Variants in RSPH6A observed in about 807,000 individuals in gnomAD.
RSPH6A encodes radial spoke head 6 homolog A.
In RSPH6A, 49 loss-of-function variants were observed where a neutral mutation model predicts 66.1. The observed-to-expected ratio is 0.74, with a 90% CI of 0.59 to 0.94. The LOEUF (loss-of-function observed/expected upper bound fraction) is 0.94. Ranked by LOEUF, RSPH6A falls within the 40% of genes least tolerant of loss-of-function variation. The pLI is 0.00. For synonymous variants in RSPH6A, 419 were observed against 402.4 expected, an observed-to-expected ratio of 1.04 and a Z score of -0.49; for missense variants, 977 against 948.3, an observed-to-expected ratio of 1.03 and a Z score of -0.40.
rs757898392 is a variant in RSPH6A, at chr19:45,804,562, T to C, written c.1343A>G (p.Gln448Arg). The C allele has an allele frequency of 6.2e-7, 1 of 1,614,080 alleles. No individual in the cohort carries two copies. The highest frequency in any genetic ancestry group is 8.5e-7 in the Non-Finnish European group (1 of 1,180,044). ...WTRLPHVTPA[Q>R]IVNARKIKKF... ...CTTGATCTTTCGGGCGTTCACGATC[T>C]GGGCTGGAGTGACGTGGGGCAGCCG... The change falls in exon 3 of 6, where the codon CAG becomes CGG. Residue 448 changes from glutamine (Q) to arginine (R), a missense_variant. Transcript: ENST00000221538. This position sits in a 1 kb window ranked among gnomAD's most constrained non-coding sequence, Gnocchi z 5.8.
rs1481454801 is a variant in RSPH6A at position 45,812,239 on chromosome 19, C to T, written c.651-1399G>A. Among the ~76,000 whole-genome samples the T allele has an allele frequency of 4.0e-5, 6 of 151,644 alleles. No individual in the cohort carries two copies. In the Admixed American group the frequency reaches 4.0e-4, roughly 10 times the overall value. ...CCCCAGAGCTGGGATTACACGTGTGCCAACATGCCTGGCTAATTTTTGTAC... is the reference window on the plus strand; with the variant it reads ...CCCCAGAGCTGGGATTACACGTGTGTCAACATGCCTGGCTAATTTTTGTAC... On this transcript the variant is annotated intron_variant, in intron 1 of 5. Coordinates refer to ENST00000221538, the MANE Select transcript of RSPH6A (RefSeq NM_030785.4).
intron 1 of RSPH6A, among the ~76,000 whole-genome samples, chr19:45,811,126 TG>T (rs1232064891): frequency 5.3e-5 from 8 of 152,162 alleles, no homozygotes; most frequent in African/African-American, 1.9e-4. Flanking sequence ...CCCGAGTAGC[TG>T]GGATTATAGG....
At position 45,802,149 on chromosome 19, in the gene RSPH6A, G is replaced by A. The variant is rs201992328; in HGVS notation, c.1769C>T (p.Pro590Leu). ...PEEVEQEVGP[P>L]LLTPLSEDAE... ...ATCTTCTGAAAGTGGCGTTAGCAGT[G>A]GGGGGCCAACCTCCTGCTCCACCTC... Residue 590 changes from proline to leucine, a missense_variant, in exon 4 of 6, where the codon CCA (proline) becomes CTA (leucine). Pro to Leu is a moderately conservative substitution (Grantham distance 98, BLOSUM62 -3). Transcript: ENST00000221538. 8 of 1,551,734 alleles carry A rather than the reference G, an allele frequency of 5.2e-6. No individual in the cohort carries two copies. In the African/African-American group the frequency reaches 6.9e-5, roughly 13 times the overall value.
chr19:45,810,776 C>G lies in RSPH6A; in HGVS notation c.715G>C (p.Val239Leu). 6.2e-7 allele frequency: 1 copy of G among 1,613,084 alleles called. No individual in the cohort carries two copies. Among genetic ancestry groups the G allele is most frequent in the South Asian group, 1.1e-5 (1 of 91,058 alleles). Residue 239 changes from valine (V) to leucine (L), a missense_variant, in exon 2 of 6, where the codon GTC becomes CTC. Coordinates refer to ENST00000221538, the MANE Select transcript of RSPH6A (RefSeq NM_030785.4). ...GTGGTGCGGTTCAGAGACTCCAGGA[C>G]AGACAAGGGGTCCTCAGGCCGCTGG... The part of the protein sequence containing the change: ...LNQRPEDPLS[V>L]LESLNRTTQW...
Position 45,804,643 on chromosome 19 carries a change from G to A in RSPH6A, c.1262C>T (p.Ser421Leu). The change falls in exon 3 of 6, where the codon TCA (serine) becomes TTA (leucine). Residue 421 changes from serine (S) to leucine (L), a missense_variant. Physicochemically the swap from Ser to Leu is moderately radical, Grantham distance 145. Coordinates refer to ENST00000221538, the MANE Select transcript of RSPH6A (RefSeq NM_030785.4). This position sits in a 1 kb window ranked among gnomAD's most constrained non-coding sequence, Gnocchi z 5.8. ...PPVIPKEESRSGANKYLYFVC... is the reference protein window; with the variant it reads ...PPVIPKEESRLGANKYLYFVC... ...AAAGTACAGGTACTTGTTGGCGCCT[G>A]AGCGGCTCTCCTCCTTGGGGATCAC... is the stretch of plus-strand genomic sequence containing the variant. 1.2e-6 allele frequency: 2 copies of A among 1,614,142 alleles called. No homozygotes were observed. Among genetic ancestry groups the A allele is most frequent in the Non-Finnish European group, 1.7e-6 (2 of 1,180,038 alleles).
rs116561406 is a variant in RSPH6A, at chr19:45,810,920, G to T, written c.651-80C>A. The T allele has an allele frequency of 1.4e-3, 1,708 of 1,187,846 alleles. 8 individuals carry two copies. The highest frequency in any genetic ancestry group is 0.011 in the African/African-American group (707 of 66,216). The allele number at this position is 1,187,846 out of a possible 1,614,324, so 73.6% of individuals were successfully genotyped here. On this transcript the variant is annotated intron_variant, in intron 1 of 5. Coordinates refer to ENST00000221538, the MANE Select transcript of RSPH6A (RefSeq NM_030785.4). ...AGCTGGCTCCCATGTGCCTGGCCCT[G>T]TGCCTGGTGCTGGGGACACAGTAGG...
At chr19:45,801,615 T>C (rs1251560012) in intron 4 of RSPH6A, among the ~76,000 whole-genome samples, 5 of 152,036 alleles carry the variant, frequency 3.3e-5, no homozygotes, top group African/African-American at 1.2e-4. Context: ...ACAAAAGTTA[T>C]CTGGGCGTGG....
chr19:45,807,310 G>GCAA (rs1295647702), intron 2 of RSPH6A, among the ~76,000 whole-genome samples: 2 of 151,480 alleles, frequency 1.3e-5, no homozygotes, highest in African/African-American at 4.9e-5. Flanking sequence ...CCGCCTCCCG[G>GCAA]GTTCACGCCA....
chr19:45,813,364 G>A (rs1970652924), intron 1 of RSPH6A, among the ~76,000 whole-genome samples: 2 of 151,970 alleles, frequency 1.3e-5, no homozygotes, highest in South Asian at 4.2e-4. Context: ...ATTTTTTTGA[G>A]ATGGAGTCTC....
chr19:45,806,684 A>G (rs1970548378), intron 2 of RSPH6A, among the ~76,000 whole-genome samples: 1 of 143,332 alleles, frequency 7.0e-6, no homozygotes, highest in African/African-American at 2.6e-5. Flanking sequence ...AAAAAAAAAA[A>G]AAAAAAAAAA....
At position 45,814,451 on chromosome 19, in the gene RSPH6A, G is replaced by C. The variant is rs74450753; in HGVS notation, c.650+76C>G. 0.088 allele frequency: 119,241 copies of C among 1,353,580 alleles called. 5,876 individuals carry two copies. Among genetic ancestry groups the C allele is most frequent in the East Asian group, 0.099 (3,991 of 40,462 alleles). The allele number at this position is 1,353,580 out of a possible 1,614,324, so 83.8% of individuals were successfully genotyped here. On this transcript the variant is annotated intron_variant, in intron 1 of 5. Transcript: ENST00000221538. ...ATGAGGGATGATCCCTTGTCTGACTGACTGAGGCAGGCACTTCGGGTGGGG... is the reference window on the plus strand; with the variant it reads ...ATGAGGGATGATCCCTTGTCTGACTCACTGAGGCAGGCACTTCGGGTGGGG...
chr19:45,806,540 G>A (rs1047257418), intron 2 of RSPH6A, among the ~76,000 whole-genome samples: 24 of 151,466 alleles, frequency 1.6e-4, no homozygotes, highest in Non-Finnish European at 3.1e-4. Flanking sequence ...GTGTGGTGGT[G>A]GGCGCCTGTA....
intron 3 of RSPH6A, among the ~76,000 whole-genome samples, chr19:45,803,110 G>T (rs1167668295): frequency 6.6e-6 from 1 of 151,314 alleles, no homozygotes; most frequent in African/African-American, 2.4e-5. Flanking sequence ...TCAGGAGGCT[G>T]AGGCAGGAGA....
At chr19:45,800,651 T>A in intron 4 of RSPH6A, 88 bp from the exon 5 acceptor site, 1 of 1,164,198 alleles carries the variant, frequency 8.6e-7, no homozygotes, top group Non-Finnish European at 1.2e-6. Context: ...AAGGCAGCAG[T>A]GAGGGAGGCC....
In RSPH6A at chr19:45,804,234, G is replaced by A. The variant is rs1158409682; in HGVS notation, c.1653+18C>T. 6.3e-6 allele frequency: 10 copies of A among 1,583,118 alleles called. No homozygotes were observed. The highest frequency in any genetic ancestry group is 3.4e-5 in the Admixed American group (2 of 58,792). ...CCTGCTCCTGCCGTTTGTGAGAGGC[G>A]GGAGTCCCGGCGCTCACCTGCGGCA... On this transcript the variant is annotated intron_variant, in intron 3 of 5. Coordinates refer to ENST00000221538, the MANE Select transcript of RSPH6A (RefSeq NM_030785.4). This position sits in a 1 kb window ranked among gnomAD's most constrained non-coding sequence, Gnocchi z 5.8.
chr19:45,807,748 T>TCA (rs1484633080), intron 2 of RSPH6A, among the ~76,000 whole-genome samples: 50 of 152,218 alleles, frequency 3.3e-4, no homozygotes, highest in Middle Eastern at 6.8e-3. Context: ...TGACCTCAGG[T>TCA]GATCTGCCCG....
In RSPH6A at chr19:45,796,128, G is replaced by T; in HGVS notation, c.1917-22C>A. On this transcript the variant is annotated intron_variant, in intron 5 of 5. Coordinates refer to ENST00000221538, the MANE Select transcript of RSPH6A (RefSeq NM_030785.4). ...CTTTCTGGAGAAGCAGTGAGACACTGTGAAATTCTCCCTCAAAGGCCCCAG... is the reference window on the plus strand; with the variant it reads ...CTTTCTGGAGAAGCAGTGAGACACTTTGAAATTCTCCCTCAAAGGCCCCAG... 2.8e-6 allele frequency: 4 copies of T among 1,432,798 alleles called. No individual in the cohort carries two copies. In the East Asian group the frequency reaches 7.2e-5, roughly 26 times the overall value. 88.8% of individuals were successfully genotyped at this position (1,432,798 alleles called of 1,614,324 possible). A position where few individuals can be genotyped will look rare whatever the true frequency, so the allele number is the denominator to read the frequency against.
chr19:45,811,322 C>T (rs747713293), intron 1 of RSPH6A, among the ~76,000 whole-genome samples: 6 of 151,922 alleles, frequency 3.9e-5, no homozygotes, highest in Non-Finnish European at 7.4e-5. Context: ...AGACACTAAT[C>T]AAACGAGCAA....
intron 1 of RSPH6A, among the ~76,000 whole-genome samples, chr19:45,812,937 CT>C (rs1325346821): frequency 1.3e-5 from 2 of 151,976 alleles, no homozygotes; most frequent in Non-Finnish European, 2.9e-5. Context: ...TTCGAGTTAT[CT>C]GTCTGCCTCA....
Sources: gnomAD v4.1 joint callset for allele counts (sites outside exome capture counted in the v4.1 genomes callset) on GRCh38, gnomAD v4.1.1 for gene constraint, Gnocchi (gnomAD v3.1) non-coding constraint, MANE v1.5 for transcripts, NCBI Gene and HGNC (gene_info 2026-07-23, HGNC 2026-07-21) for gene names.